The following ARHGAP21 variants were observed in gnomAD, a reference collection of about 807,000 sequenced individuals.
ARHGAP21 encodes the protein rho GTPase-activating protein 21.
Under a neutral mutation model 164.6 loss-of-function variants are expected in ARHGAP21, and 38 were observed. The ratio of observed to expected loss-of-function variants is 0.23; its 90% CI spans 0.18 to 0.30. The LOEUF (loss-of-function observed/expected upper bound fraction) is 0.30, where lower values mean the gene tolerates loss of function less well. Among genes scored for constraint, ARHGAP21 ranks in the 10% least tolerant of loss-of-function variants. ARHGAP21 has a pLI of 1.00. For missense variants in ARHGAP21, 1,822 were observed against 2,370.7 expected (o/e 0.77, Z 4.81); for synonymous variants, 766 against 857.9 (o/e 0.89, Z 1.87).
intron 16 of ARHGAP21, 83 bp from the exon 17 acceptor site, chr10:24,596,965 T>C: frequency 7.0e-7 from 1 of 1,419,066 alleles, no homozygotes; most frequent in Non-Finnish European, 9.4e-7. Flanking sequence ...ACTTTATCAA[T>C]GTTTACATAA....
chr10:24,672,565 T>A lies in ARHGAP21; in HGVS notation c.64-2168A>T, dbSNP rs568153837. 7.2e-5 allele frequency among the ~76,000 whole-genome samples: 11 copies of A among 152,360 alleles called. No individual in the cohort carries two copies. The South Asian group carries it at 1.9e-3, about 26-fold the overall frequency. Reference sequence around the variant, plus strand: ...GCCTCTCTCCAACCTGATATGTATCTTAAACTTAACATGTCTGCATAGCTG... The same window carrying A: ...GCCTCTCTCCAACCTGATATGTATCATAAACTTAACATGTCTGCATAGCTG... On this transcript the variant is annotated intron_variant, in intron 2 of 25. Transcript: ENST00000396432.
chr10:24,632,399 C>T (rs1031153163), intron 6 of ARHGAP21, among the ~76,000 whole-genome samples: 1 of 152,084 alleles, frequency 6.6e-6, no homozygotes, highest in African/African-American at 2.4e-5. Context: ...CTTGGAGAGG[C>T]TTTAAATTCA....
chr10:24,680,609 C>G (rs1209065045), intron 2 of ARHGAP21, among the ~76,000 whole-genome samples: 2 of 152,172 alleles, frequency 1.3e-5, no homozygotes, highest in African/African-American at 4.8e-5. Context: ...TCATTCCACC[C>G]ACCCAGAACA....
chr10:24,655,244 G>C (rs1838691696), intron 4 of ARHGAP21, among the ~76,000 whole-genome samples: 1 of 152,088 alleles, frequency 6.6e-6, no homozygotes, highest in African/African-American at 2.4e-5. Flanking sequence ...CAAAAGCAAT[G>C]GCAACAAAAG....
intron 3 of ARHGAP21, among the ~76,000 whole-genome samples, chr10:24,669,235 T>G (rs1840474313): frequency 6.6e-6 from 1 of 152,150 alleles, no homozygotes; most frequent in Non-Finnish European, 1.5e-5. Context: ...GCATACCCTG[T>G]AGGACATTAC....
Position 24,600,510 on chromosome 10 carries a change from C to G in ARHGAP21, c.3132+136G>C, listed in dbSNP as rs1266179915. The G allele has an allele frequency of 6.3e-6, 7 of 1,117,866 alleles. No homozygotes were observed. The African/African-American group carries it at 1.1e-4, about 18-fold the overall frequency. The allele number at this position is 1,117,866 out of a possible 1,614,324, so 69.2% of individuals were successfully genotyped here. On this transcript the variant is annotated intron_variant, in intron 14 of 25. Coordinates refer to ENST00000396432, the MANE Select transcript of ARHGAP21 (RefSeq NM_020824.4). The stretch of plus-strand genomic sequence containing the variant: ...TATAAAACAGGTATGTTTGAGTTTT[C>G]CTTTTCATCAACTGTTTTACATGAA...
At chr10:24,692,958 A>G (rs1168106944) in intron 2 of ARHGAP21, among the ~76,000 whole-genome samples, 1 of 152,246 alleles carries the variant, frequency 6.6e-6, no homozygotes, top group Non-Finnish European at 1.5e-5. Flanking sequence ...GATACATTTC[A>G]AAGATAATGC....
chr10:24,617,590 A>G (rs990910778), intron 9 of ARHGAP21, among the ~76,000 whole-genome samples: 1 of 152,092 alleles, frequency 6.6e-6, no homozygotes, highest in Non-Finnish European at 1.5e-5. Flanking sequence ...CAATGTTGAC[A>G]ACTTGAATAT....
intron 2 of ARHGAP21, among the ~76,000 whole-genome samples, chr10:24,684,919 G>A (rs1055832083): frequency 6.6e-6 from 1 of 152,164 alleles, no homozygotes; most frequent in Non-Finnish European, 1.5e-5. Flanking sequence ...GATTACAGGC[G>A]TGAGCCACCG....
At chr10:24,665,823 A>C (rs1840136574) in intron 4 of ARHGAP21, among the ~76,000 whole-genome samples, 1 of 152,208 alleles carries the variant, frequency 6.6e-6, no homozygotes, top group South Asian at 2.1e-4. Flanking sequence ...ACATTCTAAA[A>C]AATAACTGAT....
chr10:24,601,146 G>A (rs1056633377), intron 13 of ARHGAP21, among the ~76,000 whole-genome samples: 2 of 152,190 alleles, frequency 1.3e-5, no homozygotes, highest in South Asian at 2.1e-4. Flanking sequence ...GTCAAGGACT[G>A]TGAAATCCCA....
intron 2 of ARHGAP21, among the ~76,000 whole-genome samples, chr10:24,678,568 C>T (rs190659336): frequency 1.1e-4 from 16 of 152,142 alleles, no homozygotes; most frequent in East Asian, 9.7e-4. Context: ...TGGTATAATC[C>T]GGCTCACTGC....
At chr10:24,693,444 C>T (rs1307784941) in intron 2 of ARHGAP21, among the ~76,000 whole-genome samples, 1 of 151,834 alleles carries the variant, frequency 6.6e-6, no homozygotes, top group Non-Finnish European at 1.5e-5. Context: ...TCTGCCTCCC[C>T]GGTACAAGCA....
chr10:24,673,406 A>G (rs140625618), intron 2 of ARHGAP21, among the ~76,000 whole-genome samples: 4 of 152,350 alleles, frequency 2.6e-5, no homozygotes, highest in African/African-American at 9.6e-5. Context: ...ACTCCTAGGT[A>G]TTTATCCAAA....
chr10:24,612,587 G>T (rs189442464), intron 9 of ARHGAP21, among the ~76,000 whole-genome samples: 1 of 152,330 alleles, frequency 6.6e-6, no homozygotes, highest in South Asian at 2.1e-4. Flanking sequence ...AGGTGTGGTG[G>T]CTCACGCCTG....
intron 7 of ARHGAP21, among the ~76,000 whole-genome samples, chr10:24,628,848 T>C (rs971678625): frequency 1.5e-5 from 2 of 136,390 alleles, no homozygotes; most frequent in African/African-American, 5.6e-5. Context: ...TATATACACA[T>C]ACATATATAT....
intron 3 of ARHGAP21, among the ~76,000 whole-genome samples, chr10:24,668,613 T>G (rs752071365): frequency 1.3e-5 from 2 of 152,106 alleles, no homozygotes; most frequent in Non-Finnish European, 2.9e-5. Flanking sequence ...TGTTTAATAC[T>G]GGAAGTGTTT....
chr10:24,620,235 G>C lies in ARHGAP21; in HGVS notation c.1660C>G (p.Arg554Gly). The C allele has an allele frequency of 6.2e-7, 1 of 1,613,862 alleles. No individual in the cohort carries two copies. The highest frequency in any genetic ancestry group is 8.5e-7 in the Non-Finnish European group (1 of 1,179,864). ...PRQQEIHKSF[R>G]GSNFTVAPSV... The stretch of plus-strand genomic sequence containing the variant: ...GGAGCCACAGTAAAATTGGAACCTC[G>C]AAAAGATTTATGAATTTCTTGCTGC... Residue 554 changes from arginine (R) to glycine (G), a missense_variant, in exon 9 of 26, where the codon CGA becomes GGA. Coordinates refer to ENST00000396432, the MANE Select transcript of ARHGAP21 (RefSeq NM_020824.4).
intron 2 of ARHGAP21, among the ~76,000 whole-genome samples, chr10:24,691,835 C>T (rs751837618): frequency 6.6e-6 from 1 of 152,146 alleles, no homozygotes; most frequent in Non-Finnish European, 1.5e-5. Context: ...ACCTCTAAAA[C>T]CTTTTACAAG....
Sources: allele counts gnomAD v4.1 joint callset (sites outside exome capture counted in the v4.1 genomes callset), GRCh38; gene constraint gnomAD v4.1.1; transcripts MANE v1.5; gene names NCBI Gene and HGNC (gene_info 2026-07-23, HGNC 2026-07-21).